The following CACNB2 variants were observed in gnomAD, a reference collection of about 807,000 sequenced individuals.
CACNB2 encodes voltage-dependent L-type calcium channel subunit beta-2.
CACNB2 carries 42 observed loss-of-function variants against 73.3 expected under a neutral mutation model. That is an observed-to-expected ratio of 0.57 (90% CI 0.45 to 0.74). The LOEUF (loss-of-function observed/expected upper bound fraction) is 0.74. Among genes scored for constraint, CACNB2 ranks in the 30% least tolerant of loss-of-function variants. The pLI, the probability that CACNB2 is intolerant of heterozygous loss-of-function variation, is 0.00. For missense variants in CACNB2, 940 were observed against 853.0 expected (o/e 1.10, Z -1.27); for synonymous variants, 348 against 310.3 (o/e 1.12, Z -1.28).
chr10:18,147,326 T>C (rs1410175315), intron 1 of CACNB2, among the ~76,000 whole-genome samples: 1 of 152,218 alleles, frequency 6.6e-6, no homozygotes, highest in African/African-American at 2.4e-5. Context: ...TTTTTTTCCC[T>C]AGTTTCTGAA....
At position 18,444,333 on chromosome 10, in the gene CACNB2, G is replaced by A. The variant is rs562737599; in HGVS notation, c.333+42290G>A. ...ACAGTCGAGTGCAAAGAGCCAGAAC[G>A]ATCTGGGTTAACATCCCAATTCTAT... On this transcript the variant is annotated intron_variant, in intron 3 of 13. Coordinates refer to ENST00000324631, the MANE Select transcript of CACNB2 (RefSeq NM_201596.3). Among the ~76,000 whole-genome samples the A allele has an allele frequency of 9.2e-5, 14 of 152,232 alleles. No homozygotes were observed. In the Middle Eastern group the frequency reaches 0.01, roughly 111 times the overall value.
intron 2 of CACNB2, among the ~76,000 whole-genome samples, chr10:18,243,916 G>A (rs936202675): frequency 1.3e-5 from 2 of 152,186 alleles, no homozygotes; most frequent in African/African-American, 4.8e-5. Context: ...GACTAAGACA[G>A]GGAACAACGA....
At chr10:18,301,767 G>A (rs7920261) in intron 2 of CACNB2, among the ~76,000 whole-genome samples, 3,482 of 151,578 alleles carry the variant, frequency 0.023, 136 homozygotes, top group African/African-American at 0.077. Flanking sequence ...TCCTGCCTCA[G>A]CCTCCCGAGT....
chr10:18,461,293 C>T (rs1050309844), intron 3 of CACNB2, among the ~76,000 whole-genome samples: 8 of 152,128 alleles, frequency 5.3e-5, no homozygotes, highest in African/African-American at 7.2e-5. Flanking sequence ...AGGTGCCAGG[C>T]GTTATTCCAC....
At chr10:18,520,932 C>T (rs1417108203) in intron 9 of CACNB2, among the ~76,000 whole-genome samples, 2 of 152,158 alleles carry the variant, frequency 1.3e-5, no homozygotes, top group Non-Finnish European at 2.9e-5. Context: ...ATTTCCAGTA[C>T]TATTTTTGTT....
chr10:18,401,857 G>A (rs2044013026), intron 2 of CACNB2, 67 bp from the exon 3 acceptor site: 1 of 1,536,344 alleles, frequency 6.5e-7, no homozygotes, highest in South Asian at 1.1e-5. Flanking sequence ...CTGCTGTGTC[G>A]ATGAGACTTT....
At chr10:18,329,788 GTTTAT>G (rs1316082235) in intron 2 of CACNB2, among the ~76,000 whole-genome samples, 1 of 151,944 alleles carries the variant, frequency 6.6e-6, no homozygotes, top group African/African-American at 2.4e-5. Flanking sequence ...AATATTTTAT[GTTTAT>G]TTTATGCTAT....
At chr10:18,514,914 G>C in intron 7 of CACNB2, 3 of 1,052,214 alleles carry the variant, frequency 2.9e-6, no homozygotes, top group African/African-American at 1.6e-5. Context: ...CAGATACATA[G>C]CTTGTACTAA....
At chr10:18,371,145 ATAT>A (rs1384800282) in intron 2 of CACNB2, among the ~76,000 whole-genome samples, 1 of 152,132 alleles carries the variant, frequency 6.6e-6, no homozygotes, top group African/African-American at 2.4e-5. Flanking sequence ...ATAGACAAAA[ATAT>A]TATCTCATTC....
At chr10:18,363,430 T>A (rs2148186) in intron 2 of CACNB2, among the ~76,000 whole-genome samples, 82,219 of 152,010 alleles carry the variant, frequency 0.54, 22,907 homozygotes, top group East Asian at 0.95. Context: ...GCCTTCTCTG[T>A]TCCCCATGGA....
chr10:18,219,138 C>G (rs2035628443), intron 2 of CACNB2, among the ~76,000 whole-genome samples: 1 of 152,064 alleles, frequency 6.6e-6, no homozygotes, highest in African/African-American at 2.4e-5. Context: ...GCATTCCAAC[C>G]TGGGCAACAG....
chr10:18,268,074 C>G (rs2037889790), intron 2 of CACNB2, among the ~76,000 whole-genome samples: 1 of 152,210 alleles, frequency 6.6e-6, no homozygotes, highest in African/African-American at 2.4e-5. Flanking sequence ...TTCCCACCTC[C>G]CTCTGCATCT....
rs570174364 is a variant in CACNB2, at chr10:18,141,222, C to G, written c.120+366C>G. On this transcript the variant is annotated intron_variant, in intron 1 of 13. Transcript: ENST00000324631. ...ACTGGACCTGCTGAAGATCGTGAGTCCGGGTGGGCGGGAGGGGGCCCGCTT... is the reference window on the plus strand; with the variant it reads ...ACTGGACCTGCTGAAGATCGTGAGTGCGGGTGGGCGGGAGGGGGCCCGCTT... The G allele has an allele frequency of 5.9e-4, 271 of 462,128 alleles. No homozygotes were observed. Among genetic ancestry groups the G allele is most frequent in the Non-Finnish European group, 1.1e-3 (240 of 226,514 alleles). 28.6% of individuals were successfully genotyped at this position (462,128 alleles called of 1,614,324 possible).
At chr10:18,300,996 G>A (rs2039488645) in intron 2 of CACNB2, among the ~76,000 whole-genome samples, 1 of 152,178 alleles carries the variant, frequency 6.6e-6, no homozygotes, top group Non-Finnish European at 1.5e-5. Context: ...GAAAATGAGT[G>A]AGGAAAGAAC....
At chr10:18,520,986 A>C (rs1176718993) in intron 9 of CACNB2, among the ~76,000 whole-genome samples, 3 of 152,192 alleles carry the variant, frequency 2.0e-5, no homozygotes, top group African/African-American at 7.2e-5. Flanking sequence ...CCATGAGGGC[A>C]GGGTTTGAGA....
At chr10:18,412,457 A>T (rs1299968438) in intron 3 of CACNB2, among the ~76,000 whole-genome samples, 1 of 151,806 alleles carries the variant, frequency 6.6e-6, no homozygotes, top group Non-Finnish European at 1.5e-5. Context: ...CCCAGGCTTT[A>T]TTCTCCTGCT....
chr10:18,172,442 T>G (rs930253319), intron 2 of CACNB2, among the ~76,000 whole-genome samples: 1 of 152,214 alleles, frequency 6.6e-6, no homozygotes, highest in African/African-American at 2.4e-5. Flanking sequence ...CTTCACTGTT[T>G]CCCTGAGATG....
chr10:18,326,369 G>C (rs1026984978), intron 2 of CACNB2, among the ~76,000 whole-genome samples: 1 of 152,158 alleles, frequency 6.6e-6, no homozygotes, highest in Non-Finnish European at 1.5e-5. Flanking sequence ...GCTCCATCTT[G>C]TTTATCCAAA....
chr10:18,171,428 T>TTGATTCTCTA (rs2033219311), intron 2 of CACNB2, among the ~76,000 whole-genome samples: 1 of 148,554 alleles, frequency 6.7e-6, no homozygotes, highest in African/African-American at 2.5e-5. Flanking sequence ...GCATGGGTAT[T>TTGATTCTCTA]TGATTCTCTA....
Sources: allele counts gnomAD v4.1 joint callset (sites outside exome capture counted in the v4.1 genomes callset), GRCh38; gene constraint gnomAD v4.1.1; transcripts MANE v1.5; gene names NCBI Gene and HGNC (gene_info 2026-07-23, HGNC 2026-07-21).